INPP4B: variants seen among roughly 807,000 people sequenced by gnomAD.
INPP4B encodes inositol polyphosphate-4-phosphatase type II B.
INPP4B carries 55 observed loss-of-function variants against 122.5 expected under a neutral mutation model. The observed-to-expected ratio is 0.45, with a 90% CI of 0.36 to 0.56. The LOEUF is 0.56. Among genes scored for constraint, INPP4B ranks in the 20% least tolerant of loss-of-function variants. The probability of loss-of-function intolerance (pLI) is 0.00; values close to 1 mark genes in which losing one functional copy is unlikely to be tolerated. For synonymous variants in INPP4B, 403 were observed against 388.7 expected (o/e 1.04, Z -0.43); for missense variants, 1,000 against 1,097.7 (o/e 0.91, Z 1.26).
At chr4:142,607,295 G>A (rs1277744637) in intron 2 of INPP4B, among the ~76,000 whole-genome samples, 3 of 152,030 alleles carry the variant, frequency 2.0e-5, no homozygotes, top group South Asian at 2.1e-4. Flanking sequence ...ACATATAAAA[G>A]TAGTCAAATA....
chr4:142,616,743 A>T (rs1163172027), intron 2 of INPP4B, among the ~76,000 whole-genome samples: 1 of 152,160 alleles, frequency 6.6e-6, no homozygotes, highest in Non-Finnish European at 1.5e-5. Flanking sequence ...ACACCATGGG[A>T]TACTACTCAG....
At chr4:142,709,359 T>C (rs1762839243) in intron 2 of INPP4B, among the ~76,000 whole-genome samples, 1 of 152,194 alleles carries the variant, frequency 6.6e-6, no homozygotes, top group East Asian at 1.9e-4. Context: ...TTTTGAAATG[T>C]AAGAAGGACA....
chr4:142,168,673 T>C (rs1156301793), intron 16 of INPP4B, among the ~76,000 whole-genome samples: 17 of 151,646 alleles, frequency 1.1e-4, no homozygotes, highest in Admixed American at 1.1e-3. Context: ...CACCAGGAAT[T>C]GTTTTTAAGC....
rs778123980 is a variant in INPP4B at position 142,028,381 on chromosome 4, AT to A, written c.*400del. On this transcript the variant is annotated 3_prime_UTR_variant, in exon 26 of 26. Transcript: ENST00000262992. ...GCTATTAAGTTGTATCACAAAAAAA[AT>A]ATGTTCCTTTTCCCCCTCTCCTCTC... The A allele has an allele frequency of 1.1e-4, 26 of 236,116 alleles. No individual in the cohort carries two copies. The highest frequency in any genetic ancestry group is 1.9e-4 in the Non-Finnish European group (23 of 120,186). The allele number at this position is 236,116 out of a possible 1,614,324, so 14.6% of individuals were successfully genotyped here.
chr4:142,256,546 A>G (rs1392545717), intron 11 of INPP4B, among the ~76,000 whole-genome samples: 1 of 152,226 alleles, frequency 6.6e-6, no homozygotes, highest in Non-Finnish European at 1.5e-5. Context: ...CCACAGAAAT[A>G]CAAACTACCA....
chr4:142,219,046 T>A (rs977802677), intron 12 of INPP4B, among the ~76,000 whole-genome samples: 1 of 152,178 alleles, frequency 6.6e-6, no homozygotes, highest in Non-Finnish European at 1.5e-5. Flanking sequence ...GCCTATTTTT[T>A]AAAATACATT....
chr4:142,150,433 C>T (rs984895711), intron 17 of INPP4B, among the ~76,000 whole-genome samples: 1 of 152,184 alleles, frequency 6.6e-6, no homozygotes, highest in African/African-American at 2.4e-5. Flanking sequence ...TGCTAGGTCC[C>T]CTACTGTATG....
chr4:142,694,194 G>A (rs1425345003), intron 2 of INPP4B, among the ~76,000 whole-genome samples: 1 of 151,934 alleles, frequency 6.6e-6, no homozygotes, highest in Non-Finnish European at 1.5e-5. Flanking sequence ...CCAACATGGT[G>A]AAACCCCGTC....
At chr4:142,515,775 T>C (rs72948712) in intron 2 of INPP4B, among the ~76,000 whole-genome samples, 8,824 of 152,294 alleles carry the variant, frequency 0.058, 305 homozygotes, top group Admixed American at 0.079. Context: ...GAGCCAGTGA[T>C]GTGAATGCAG....
At chr4:142,382,365 T>C (rs1794421412) in intron 7 of INPP4B, among the ~76,000 whole-genome samples, 1 of 151,530 alleles carries the variant, frequency 6.6e-6, no homozygotes, top group Admixed American at 6.6e-5. Flanking sequence ...AACAACTAGC[T>C]GGGCATGGTG....
At chr4:142,653,975 G>C (rs963008245) in intron 2 of INPP4B, among the ~76,000 whole-genome samples, 2 of 152,106 alleles carry the variant, frequency 1.3e-5, no homozygotes, top group African/African-American at 4.8e-5. Context: ...CAACCCAAAT[G>C]TCCAACAATG....
intron 1 of INPP4B, among the ~76,000 whole-genome samples, chr4:142,841,438 G>C (rs1271497526): frequency 2.0e-5 from 3 of 151,966 alleles, no homozygotes; most frequent in Non-Finnish European, 4.4e-5. Context: ...AGGAAAGATT[G>C]CTATTGATGG....
intron 1 of INPP4B, among the ~76,000 whole-genome samples, chr4:142,785,891 C>A (rs1161623961): frequency 1.3e-5 from 2 of 151,904 alleles, no homozygotes; most frequent in African/African-American, 4.8e-5. Context: ...AAAATAAAAC[C>A]AAAGACAGAA....
chr4:142,816,766 T>C (rs536484367), intron 1 of INPP4B, among the ~76,000 whole-genome samples: 4 of 151,804 alleles, frequency 2.6e-5, no homozygotes, highest in South Asian at 4.2e-4. Context: ...CTTAATAGTA[T>C]ATTTGGATGT....
chr4:142,179,287 G>A (rs2645816), intron 15 of INPP4B, among the ~76,000 whole-genome samples: 151,271 of 151,922 alleles, frequency 1, 75,316 homozygotes, highest in Middle Eastern at 1. Flanking sequence ...AGCCTGGAAA[G>A]CACAGTAAAA....
intron 1 of INPP4B, among the ~76,000 whole-genome samples, chr4:142,726,332 TG>T (rs1397356578): frequency 2.0e-5 from 3 of 152,214 alleles, no homozygotes; most frequent in Non-Finnish European, 2.9e-5. Context: ...CTAGTGAGCA[TG>T]GGTTTTAAAA....
chr4:142,411,254 T>C (rs995048259), intron 5 of INPP4B, among the ~76,000 whole-genome samples: 3 of 152,222 alleles, frequency 2.0e-5, no homozygotes, highest in African/African-American at 7.2e-5. Flanking sequence ...TAGGGTTCCA[T>C]TACTCAGTGG....
At chr4:142,590,079 G>C (rs890213235) in intron 2 of INPP4B, among the ~76,000 whole-genome samples, 2 of 152,048 alleles carry the variant, frequency 1.3e-5, no homozygotes. Context: ...ATAGCAAAAT[G>C]ATCATTAGTC....
chr4:142,698,257 T>C (rs2150747962), intron 2 of INPP4B, among the ~76,000 whole-genome samples: 1 of 152,108 alleles, frequency 6.6e-6, no homozygotes, highest in Admixed American at 6.6e-5. Flanking sequence ...TTTTTATTGA[T>C]TTGAAATCAA....
Sources: allele counts gnomAD v4.1 joint callset (sites outside exome capture counted in the v4.1 genomes callset), GRCh38; gene constraint gnomAD v4.1.1; transcripts MANE v1.5; gene names NCBI Gene and HGNC (gene_info 2026-07-23, HGNC 2026-07-21).